CEP85L: variants seen among roughly 807,000 people sequenced by gnomAD.
CEP85L encodes the protein centrosomal protein of 85 kDa-like.
A neutral mutation model predicts 100.3 loss-of-function variants in CEP85L; 60 were observed. The ratio of observed to expected loss-of-function variants is 0.60; its 90% CI spans 0.49 to 0.74. The LOEUF (loss-of-function observed/expected upper bound fraction) is 0.74. Ranked by LOEUF, CEP85L falls within the 30% of genes least tolerant of loss-of-function variation. The probability of loss-of-function intolerance (pLI) is 0.00; values close to 1 mark genes in which losing one functional copy is unlikely to be tolerated. For synonymous variants in CEP85L, 319 were observed against 322.7 expected, an observed-to-expected ratio of 0.99 and a Z score of 0.12; for missense variants, 973 against 936.2, an observed-to-expected ratio of 1.04 and a Z score of -0.51.
chr6:118,600,300 G>GGT (rs59278037), intron 2 of CEP85L, among the ~76,000 whole-genome samples: 1,062 of 52,140 alleles, frequency 0.02, 77 homozygotes, highest in East Asian at 0.031. Context: ...CCTTCCTGGG[G>GGT]GTGTGTGTGT....
Position 118,680,930 on chromosome 6 carries a change from G to C in CEP85L, c.-27-28122C>G, listed in dbSNP as rs115066091. Among the ~76,000 whole-genome samples the C allele has an allele frequency of 2.2e-3, 330 of 151,970 alleles. 2 individuals are homozygous for C. The highest frequency in any genetic ancestry group is 7.5e-3 in the African/African-American group (311 of 41,444). ...TAAAGTGCCTGACTAAAACCAGATAGCCACAGGGCCTGACAACGAGGAGGA... is the reference window on the plus strand; with the variant it reads ...TAAAGTGCCTGACTAAAACCAGATACCCACAGGGCCTGACAACGAGGAGGA... On this transcript the variant is annotated intron_variant, in intron 1 of 13. Coordinates refer to the CEP85L transcript ENST00000368488.
intron 3 of CEP85L, among the ~76,000 whole-genome samples, chr6:118,553,485 T>C (rs1448338451): frequency 6.6e-6 from 1 of 152,204 alleles, no homozygotes; most frequent in East Asian, 1.9e-4. Context: ...AGATGATAAC[T>C]GTAAAAAATT....
chr6:118,554,236 A>G (rs1386858492), intron 3 of CEP85L, among the ~76,000 whole-genome samples: 4 of 152,124 alleles, frequency 2.6e-5, no homozygotes, highest in African/African-American at 9.7e-5. Context: ...GCAGTGAGCC[A>G]CGATTGCACA....
intron 1 of CEP85L, among the ~76,000 whole-genome samples, chr6:118,645,584 A>G (rs1775125720): frequency 6.6e-6 from 1 of 152,214 alleles, no homozygotes; most frequent in African/African-American, 2.4e-5. Context: ...AAGTGAGAGG[A>G]CTGCTTGATC....
chr6:118,586,198 C>T (rs1398997457), intron 2 of CEP85L, among the ~76,000 whole-genome samples: 1 of 152,150 alleles, frequency 6.6e-6, no homozygotes, highest in African/African-American at 2.4e-5. Flanking sequence ...AAGAAACTCA[C>T]CTTCCTTGGG....
chr6:118,682,338 T>G (rs992724069), intron 1 of CEP85L, among the ~76,000 whole-genome samples: 15 of 152,202 alleles, frequency 9.9e-5, no homozygotes, highest in African/African-American at 3.6e-4. Context: ...AAACTGATTT[T>G]ATTAAATAAG....
At chr6:118,625,640 GTTGCTAC>G (rs1358967863) in intron 2 of CEP85L, among the ~76,000 whole-genome samples, 1 of 152,178 alleles carries the variant, frequency 6.6e-6, no homozygotes, top group African/African-American at 2.4e-5. Context: ...GGAGAAGAAT[GTTGCTAC>G]TTTGTCAACC....
chr6:118,519,432 C>CTG (rs546998242), intron 4 of CEP85L, among the ~76,000 whole-genome samples: 984 of 23,928 alleles, frequency 0.041, 113 homozygotes, highest in African/African-American at 0.07. Flanking sequence ...GAGCAAAACT[C>CTG]TGTGTGTGTG....
At chr6:118,610,090 C>T (rs113943148) in intron 2 of CEP85L, among the ~76,000 whole-genome samples, 2,153 of 152,060 alleles carry the variant, frequency 0.014, 23 homozygotes, top group Non-Finnish European at 0.022. Context: ...TAAAAATCAT[C>T]GTATTAAATC....
At chr6:118,517,456 C>A (rs1005143491) in intron 4 of CEP85L, among the ~76,000 whole-genome samples, 2 of 152,174 alleles carry the variant, frequency 1.3e-5, no homozygotes, top group African/African-American at 4.8e-5. Flanking sequence ...AGAGGTCCTT[C>A]ATATCCCTTT....
At chr6:118,698,372 A>G (rs949351002) in intron 1 of CEP85L, among the ~76,000 whole-genome samples, 1 of 152,220 alleles carries the variant, frequency 6.6e-6, no homozygotes, top group African/African-American at 2.4e-5. Context: ...AGTCATCAGA[A>G]TGTTATCTTC....
intron 2 of CEP85L, among the ~76,000 whole-genome samples, chr6:118,599,467 G>A (rs1441935837): frequency 6.6e-6 from 1 of 152,062 alleles, no homozygotes; most frequent in Non-Finnish European, 1.5e-5. Flanking sequence ...ATAAATGAGA[G>A]AGAAGAGGTT....
At chr6:118,652,335 CTTAGTGCAGG>C, upstream of CEP85L, 3 of 946,358 alleles carry the variant, frequency 3.2e-6, no homozygotes, top group South Asian at 4.0e-5. Context: ...CACCTGAACC[CTTAGTGCAGG>C]AGGAGACGTC....
At chr6:118,472,848 G>T (rs917171160) in intron 10 of CEP85L, among the ~76,000 whole-genome samples, 1 of 152,092 alleles carries the variant, frequency 6.6e-6, no homozygotes, top group African/African-American at 2.4e-5. Flanking sequence ...TAAAAATTCT[G>T]CCAAGGTACT....
At chr6:118,524,414 A>G (rs1267599472) in intron 3 of CEP85L, among the ~76,000 whole-genome samples, 1 of 152,166 alleles carries the variant, frequency 6.6e-6, no homozygotes, top group African/African-American at 2.4e-5. Context: ...ACTGCACTCT[A>G]GCCTGGGTGA....
At position 118,473,564 on chromosome 6, in the gene CEP85L, G is replaced by C. The variant is rs186514900; in HGVS notation, c.1915-2920C>G. Among the ~76,000 whole-genome samples, 432 of 146,852 alleles carry C rather than the reference G, an allele frequency of 2.9e-3. 5 individuals carry two copies. The highest frequency in any genetic ancestry group is 0.025 in the Admixed American group (364 of 14,714). On this transcript the variant is annotated intron_variant, in intron 10 of 12. Coordinates refer to ENST00000368491, the MANE Select transcript of CEP85L (RefSeq NM_001042475.3). ...GTATAAGAACTTTGATTTTTATTCT[G>C]GAAAAAAAAAATGAGGATCCACTGA... is the stretch of plus-strand genomic sequence containing the variant.
At chr6:118,561,788 T>C (rs1779238612) in intron 3 of CEP85L, among the ~76,000 whole-genome samples, 1 of 152,160 alleles carries the variant, frequency 6.6e-6, no homozygotes, top group African/African-American at 2.4e-5. Context: ...TTTAATTTTA[T>C]AGGGGTTTTT....
At chr6:118,698,590 T>C (rs1777291214) in intron 1 of CEP85L, among the ~76,000 whole-genome samples, 1 of 151,684 alleles carries the variant, frequency 6.6e-6, no homozygotes, top group African/African-American at 2.4e-5. Flanking sequence ...TATCCCATAG[T>C]ATGTCTTGAT....
chr6:118,517,268 A>G (rs539608344), intron 4 of CEP85L, among the ~76,000 whole-genome samples: 1 of 152,244 alleles, frequency 6.6e-6, no homozygotes, highest in East Asian at 1.9e-4. Context: ...AGTTTTTTCT[A>G]ATTCTGTGAA....
Sources: allele counts gnomAD v4.1 joint callset (sites outside exome capture counted in the v4.1 genomes callset), GRCh38; gene constraint gnomAD v4.1.1; transcripts MANE v1.5; gene names NCBI Gene and HGNC (gene_info 2026-07-23, HGNC 2026-07-21).